NID1: variants seen among roughly 807,000 people sequenced by gnomAD.
NID1 encodes nidogen 1, also known as nidogen-1.
A neutral mutation model predicts 130.6 loss-of-function variants in NID1; 76 were observed. The observed-to-expected ratio is 0.58, with a 90% CI of 0.48 to 0.70. The LOEUF (loss-of-function observed/expected upper bound fraction) is 0.70, where lower values mean the gene tolerates loss of function less well. NID1 is among the 30% of genes least tolerant of loss of function. The pLI, the probability that NID1 is intolerant of heterozygous loss-of-function variation, is 0.00. For synonymous variants in NID1, 665 were observed against 675.1 expected (o/e 0.98, Z 0.23); for missense variants, 1,517 against 1,664.8 (o/e 0.91, Z 1.54).
chr1:236,016,673 G>A (rs926272206), intron 10 of NID1, among the ~76,000 whole-genome samples: 1 of 152,114 alleles, frequency 6.6e-6, no homozygotes, highest in African/African-American at 2.4e-5. Flanking sequence ...GCTGCTGCTC[G>A]TGGTTGGTAA....
rs146611286 is a variant in NID1 at position 236,024,150 on chromosome 1, G to A, written c.2048C>T (p.Ala683Val). 1.1e-4 allele frequency: 172 copies of A among 1,614,146 alleles called. No individual in the cohort carries two copies. The highest frequency in any genetic ancestry group is 1.4e-4 in the Non-Finnish European group (169 of 1,180,052). ...YIGTHGCDTNAACRPGPRTQF... is the reference protein window; with the variant it reads ...YIGTHGCDTNVACRPGPRTQF... The stretch of plus-strand genomic sequence containing the variant: ...TGTCCTGGGACCAGGGCGACAGGCC[G>A]CGTTGGTGTCACACCCATGAGTGCC... The change falls in exon 9 of 20, where the codon GCG (alanine) becomes GTG (valine). Residue 683 changes from alanine to valine, a missense_variant. Coordinates refer to ENST00000264187, the MANE Select transcript of NID1 (RefSeq NM_002508.3).
intron 4 of NID1, among the ~76,000 whole-genome samples, chr1:236,038,810 T>C (rs984304166): frequency 1.7e-5 from 2 of 116,358 alleles, no homozygotes; most frequent in Non-Finnish European, 3.3e-5. Context: ...ATAATATATA[T>C]TACCTATGTT....
rs116828694 is a variant in NID1, at chr1:236,064,792, C to T, written c.225+63G>A. ...TGCTACGCCCAAGTCCGTCCGGCTC[C>T]ACGGGCGCCCCCGGCCCGCCGCGCC... is the stretch of plus-strand genomic sequence containing the variant. On this transcript the variant is annotated intron_variant, in intron 1 of 19. Coordinates refer to ENST00000264187, the MANE Select transcript of NID1 (RefSeq NM_002508.3). 4,683 of 1,494,852 alleles carry T rather than the reference C, an allele frequency of 3.1e-3. 121 individuals are homozygous for T. The African/African-American group carries it at 0.056, about 18-fold the overall frequency. The allele number at this position is 1,494,852 out of a possible 1,614,324, so 92.6% of individuals were successfully genotyped here.
In NID1 at chr1:236,043,573, C is replaced by T. The variant is rs538494405; in HGVS notation, c.753-1281G>A. On this transcript the variant is annotated intron_variant, in intron 3 of 19. Coordinates refer to ENST00000264187, the MANE Select transcript of NID1 (RefSeq NM_002508.3). ...CAGCACTTTGGGGGGCTGAGGAGGG[C>T]AGATCATGAGGTCAGGAGATCGAGA... 1.2e-4 allele frequency among the ~76,000 whole-genome samples: 18 copies of T among 152,128 alleles called. No homozygotes were observed. The East Asian group carries it at 2.9e-3, about 25-fold the overall frequency.
chr1:236,059,108 C>T (rs1018726129), intron 1 of NID1, among the ~76,000 whole-genome samples: 7 of 152,174 alleles, frequency 4.6e-5, no homozygotes, highest in African/African-American at 1.7e-4. Flanking sequence ...GCTTTAATGT[C>T]ACACAGCCAG....
At chr1:235,978,111 G>T in intron 19 of NID1, 123 bp from the exon 20 acceptor site, 1 of 1,167,792 alleles carries the variant, frequency 8.6e-7, no homozygotes, top group Non-Finnish European at 1.2e-6. Context: ...ATGCTAGGAA[G>T]GCTTCAGGAG....
intron 9 of NID1, among the ~76,000 whole-genome samples, chr1:236,022,005 C>A (rs1658779722): frequency 1.3e-5 from 2 of 152,164 alleles, no homozygotes; most frequent in African/African-American, 4.8e-5. Flanking sequence ...CCTCAGTTTT[C>A]TTGTCTACAA....
At chr1:236,004,477 A>T (rs1558429202) in intron 12 of NID1, among the ~76,000 whole-genome samples, 1 of 152,184 alleles carries the variant, frequency 6.6e-6, no homozygotes, top group African/African-American at 2.4e-5. Context: ...TAAGTTAAAG[A>T]CTAAGCCAGG....
At chr1:235,980,224 C>A (rs971915196) in intron 17 of NID1, among the ~76,000 whole-genome samples, 1 of 152,114 alleles carries the variant, frequency 6.6e-6, no homozygotes, top group African/African-American at 2.4e-5. Flanking sequence ...ACTTACAACA[C>A]GAGGGTGGCC....
At chr1:236,055,309 T>A (rs915905636) in intron 1 of NID1, among the ~76,000 whole-genome samples, 18 of 147,616 alleles carry the variant, frequency 1.2e-4, no homozygotes, top group African/African-American at 5.0e-5. Context: ...ATCTCAAAAA[T>A]AATAATAATA....
intron 13 of NID1, among the ~76,000 whole-genome samples, chr1:235,992,451 C>T (rs1358739384): frequency 6.6e-6 from 1 of 152,200 alleles, no homozygotes; most frequent in Non-Finnish European, 1.5e-5. Context: ...GGCGCCTGCT[C>T]CAAACCCATC....
At position 236,064,976 on chromosome 1, in the gene NID1, A is replaced by G; in HGVS notation, c.104T>C (p.Phe35Ser). The G allele has an allele frequency of 6.3e-7, 1 of 1,585,368 alleles. No homozygotes were observed. Among genetic ancestry groups the G allele is most frequent in the East Asian group, 2.3e-5 (1 of 42,882 alleles). The change falls in exon 1 of 20, where the codon TTT (phenylalanine) becomes TCT (serine). Residue 35 changes from phenylalanine to serine, a missense_variant. By Grantham distance (155) the Phe-to-Ser change is radical. Around this residue, in one of 3 missense-constraint regions of NID1, gnomAD observed 1,329 missense variants for 1,429.2 expected, o/e 0.93. Coordinates refer to ENST00000264187, the MANE Select transcript of NID1 (RefSeq NM_002508.3). ...PVGCLSRQEL[F>S]PFGPGQGDLE... Reference sequence around the variant, plus strand: ...GTCCCCCTGTCCGGGGCCGAAGGGAAAGAGCTCCTGGCGGCTCAGGCAGCC... The same window carrying G: ...GTCCCCCTGTCCGGGGCCGAAGGGAGAGAGCTCCTGGCGGCTCAGGCAGCC...
At chr1:236,039,425 C>A (rs1659382177) in intron 4 of NID1, among the ~76,000 whole-genome samples, 1 of 151,856 alleles carries the variant, frequency 6.6e-6, no homozygotes, top group South Asian at 2.1e-4. Context: ...CCCCAACATA[C>A]ACTTTTCCCT....
At position 236,032,636 on chromosome 1, in the gene NID1, G is replaced by T; in HGVS notation, c.1302C>A (p.Val434=). 1.9e-6 allele frequency: 3 copies of T among 1,614,144 alleles called. No individual in the cohort carries two copies. Among genetic ancestry groups the T allele is most frequent in the African/African-American group, 2.7e-5 (2 of 75,032 alleles). ...QCVAEGSPQR[V]NGKVKGRIFV... The stretch of plus-strand genomic sequence containing the variant: ...AGATCCTTCCTTTCACCTTGCCATT[G>T]ACTCGCTGGGGGGAACCTGAGCAAG... The change falls in exon 6 of 20, where the codon GTC becomes GTA. Residue 434 remains valine, a synonymous_variant. Transcript: ENST00000264187.
intron 19 of NID1, 57 bp from the exon 20 acceptor site, chr1:235,978,045 T>C: frequency 6.3e-7 from 1 of 1,584,472 alleles, no homozygotes; most frequent in South Asian, 1.1e-5. Context: ...TCCATAGCCA[T>C]TTAAGATAGT....
intron 14 of NID1, among the ~76,000 whole-genome samples, chr1:235,987,102 G>A (rs752660533): frequency 2.6e-5 from 4 of 152,180 alleles, no homozygotes; most frequent in Non-Finnish European, 5.9e-5. Context: ...CTGGGCTATT[G>A]TTTGGTTTGA....
At chr1:236,025,771 G>A in intron 8 of NID1, 125 bp downstream of exon 8, 1 of 1,304,278 alleles carries the variant, frequency 7.7e-7, no homozygotes, top group Non-Finnish European at 1.1e-6. Flanking sequence ...TTTTTTTCCT[G>A]CCAGAAGATA....
chr1:236,000,478 A>G (rs937059279), intron 12 of NID1, among the ~76,000 whole-genome samples: 3 of 152,152 alleles, frequency 2.0e-5, no homozygotes, highest in Admixed American at 1.3e-4. Flanking sequence ...TCTCCCTCCT[A>G]CACTTGGCTC....
chr1:236,058,624 A>T (rs1392777893), intron 1 of NID1, among the ~76,000 whole-genome samples: 1 of 152,216 alleles, frequency 6.6e-6, no homozygotes, highest in Non-Finnish European at 1.5e-5. Flanking sequence ...CACCGGAGAA[A>T]GTCTATATGC....
Sources: gnomAD v4.1 joint callset for allele counts (sites outside exome capture counted in the v4.1 genomes callset) on GRCh38, gnomAD v4.1.1 for gene constraint, gnomAD v4.1.1 regional missense constraint, MANE v1.5 for transcripts, NCBI Gene and HGNC (gene_info 2026-07-23, HGNC 2026-07-21) for gene names.